Variants in SCAPER observed in about 807,000 individuals in gnomAD.
SCAPER encodes the protein S-phase cyclin A associated protein in the ER, also known as S phase cyclin A-associated protein in the endoplasmic reticulum.
SCAPER carries 98 observed loss-of-function variants against 182.2 expected under a neutral mutation model. The observed-to-expected ratio is 0.54, with a 90% CI of 0.46 to 0.64. SCAPER has a LOEUF of 0.64. Ranked by LOEUF, SCAPER falls within the 30% of genes least tolerant of loss-of-function variation. The pLI is 0.00. For synonymous variants in SCAPER, 605 were observed against 564.6 expected (o/e 1.07, Z -1.01); for missense variants, 1,432 against 1,690.0 (o/e 0.85, Z 2.68).
chr15:76,473,389 C>A (rs1013176511), intron 24 of SCAPER, among the ~76,000 whole-genome samples: 2 of 152,164 alleles, frequency 1.3e-5, no homozygotes, highest in Admixed American at 1.3e-4. Flanking sequence ...AAATGATATG[C>A]AATTGTTTAA....
At chr15:76,414,649 T>C (rs1251887240) in intron 26 of SCAPER, among the ~76,000 whole-genome samples, 1 of 152,018 alleles carries the variant, frequency 6.6e-6, no homozygotes, top group Non-Finnish European at 1.5e-5. Context: ...CAAACTAGAC[T>C]TCAAAGCAAG....
At chr15:76,890,177 G>C (rs531290700) in intron 1 of SCAPER, among the ~76,000 whole-genome samples, 1 of 152,306 alleles carries the variant, frequency 6.6e-6, no homozygotes, top group South Asian at 2.1e-4. Flanking sequence ...AGTGGGTAGA[G>C]GGAAATTTAT....
intron 23 of SCAPER, among the ~76,000 whole-genome samples, chr15:76,545,669 T>A (rs751153212): frequency 3.9e-5 from 6 of 152,100 alleles, no homozygotes; most frequent in Non-Finnish European, 7.4e-5. Flanking sequence ...GTGAGCTTCA[T>A]AATCACCCTG....
At chr15:76,591,901 A>C (rs895402825) in intron 22 of SCAPER, among the ~76,000 whole-genome samples, 3 of 152,150 alleles carry the variant, frequency 2.0e-5, no homozygotes, top group Non-Finnish European at 2.9e-5. Flanking sequence ...ATCTACAAAA[A>C]ATACAAAAAT....
intron 15 of SCAPER, among the ~76,000 whole-genome samples, chr15:76,736,040 G>A (rs1007250090): frequency 1.3e-5 from 2 of 152,144 alleles, no homozygotes; most frequent in Non-Finnish European, 2.9e-5. Context: ...ATACCTCAAA[G>A]ATATTACAAG....
intron 22 of SCAPER, among the ~76,000 whole-genome samples, chr15:76,581,643 G>C (rs914681220): frequency 2.0e-5 from 3 of 152,104 alleles, no homozygotes; most frequent in African/African-American, 7.2e-5. Flanking sequence ...CTGGAGTGCA[G>C]TGGTGTGATC....
At chr15:76,619,413 G>A (rs1000508622) in intron 22 of SCAPER, among the ~76,000 whole-genome samples, 5 of 152,146 alleles carry the variant, frequency 3.3e-5, no homozygotes, top group Non-Finnish European at 7.4e-5. Context: ...CTTTATGTGG[G>A]CACATGCTTT....
rs1266345375 is a variant in SCAPER, at chr15:76,354,380, A to C, written c.3856-240T>G. 1 of 415,848 alleles carries C rather than the reference A, an allele frequency of 2.4e-6. No homozygotes were observed. Among genetic ancestry groups the C allele is most frequent in the East Asian group, 4.7e-5 (1 of 21,056 alleles). The allele number at this position is 415,848 out of a possible 1,614,324, so 25.8% of individuals were successfully genotyped here. ...TTGCACTCATTTAAAAGTTATTATA[A>C]TCCACGATTAAAGGTGTAGCTGCCA... On this transcript the variant is annotated intron_variant, in intron 29 of 31. Transcript: ENST00000563290. This position sits in a 1 kb window ranked among gnomAD's most constrained non-coding sequence, Gnocchi z 4.4.
chr15:76,672,346 T>C (rs1234993073), intron 20 of SCAPER, among the ~76,000 whole-genome samples: 1 of 152,140 alleles, frequency 6.6e-6, no homozygotes, highest in Non-Finnish European at 1.5e-5. Context: ...GCCAAAGTTA[T>C]CAGAAGAAAA....
chr15:76,817,858 A>G (rs1413542483), intron 5 of SCAPER, among the ~76,000 whole-genome samples: 1 of 152,222 alleles, frequency 6.6e-6, no homozygotes, highest in African/African-American at 2.4e-5. Flanking sequence ...ATCCATGGAT[A>G]GGATGACTCA....
At chr15:76,843,856 T>C (rs2069743084) in intron 4 of SCAPER, among the ~76,000 whole-genome samples, 1 of 152,140 alleles carries the variant, frequency 6.6e-6, no homozygotes, top group Admixed American at 6.5e-5. Flanking sequence ...TATAGGGCTC[T>C]ACTTACTACT....
chr15:76,636,115 G>A (rs1029560117), intron 21 of SCAPER, among the ~76,000 whole-genome samples: 2 of 152,156 alleles, frequency 1.3e-5, no homozygotes, highest in Non-Finnish European at 2.9e-5. Context: ...TTCAGTTACT[G>A]TTTATCAGGG....
chr15:76,717,943 T>C (rs1328931265), intron 17 of SCAPER, among the ~76,000 whole-genome samples: 4 of 152,142 alleles, frequency 2.6e-5, no homozygotes, highest in Non-Finnish European at 4.4e-5. Flanking sequence ...CTAATATACA[T>C]AGGCAGAACA....
At position 76,542,479 on chromosome 15, in the gene SCAPER, C is replaced by T. The variant is rs571390618; in HGVS notation, c.2838+31679G>A. Among the ~76,000 whole-genome samples, 10 of 151,766 alleles carry T rather than the reference C, an allele frequency of 6.6e-5. No homozygotes were observed. The South Asian group carries it at 1.2e-3, about 19-fold the overall frequency. The stretch of plus-strand genomic sequence containing the variant: ...CAGAGGTTGCAATGAGCTGAGATCA[C>T]GTCACTGAACTCCAGCCTGGGCGAC... On this transcript the variant is annotated intron_variant, in intron 23 of 31. Transcript: ENST00000563290.
intron 5 of SCAPER, among the ~76,000 whole-genome samples, chr15:76,810,538 C>CA (rs1381646498): frequency 0.029 from 3,056 of 107,180 alleles, 129 homozygotes; most frequent in African/African-American, 0.078. Flanking sequence ...TCTAGCAATA[C>CA]AAAAAAAAAA....
At chr15:76,875,300 C>A (rs893744805) in intron 2 of SCAPER, among the ~76,000 whole-genome samples, 2 of 152,132 alleles carry the variant, frequency 1.3e-5, no homozygotes, top group Admixed American at 6.5e-5. Context: ...AATTTAATGT[C>A]TTTTAAGAGA....
intron 26 of SCAPER, among the ~76,000 whole-genome samples, chr15:76,430,265 C>G (rs1271462660): frequency 4.6e-5 from 7 of 152,210 alleles, no homozygotes; most frequent in Non-Finnish European, 8.8e-5. Flanking sequence ...AATGTGGGGT[C>G]AGAGCCCCTA....
intron 23 of SCAPER, among the ~76,000 whole-genome samples, chr15:76,526,052 A>ATT (rs1407488406): frequency 1.2e-4 from 18 of 152,292 alleles, no homozygotes; most frequent in Non-Finnish European, 2.5e-4. Context: ...GTAGTTGAAC[A>ATT]TTGTCAATAA....
intron 15 of SCAPER, among the ~76,000 whole-genome samples, chr15:76,750,647 A>G (rs1334266019): frequency 1.3e-5 from 2 of 151,978 alleles, no homozygotes; most frequent in Non-Finnish European, 2.9e-5. Flanking sequence ...TAACAGAATT[A>G]AAGAGGAAAA....
Sources: allele counts gnomAD v4.1 joint callset (sites outside exome capture counted in the v4.1 genomes callset), GRCh38; gene constraint gnomAD v4.1.1; non-coding constraint Gnocchi (gnomAD v3.1); transcripts MANE v1.5; gene names NCBI Gene and HGNC (gene_info 2026-07-23, HGNC 2026-07-21).